Variants in SRPX observed in about 807,000 individuals in gnomAD.
SRPX encodes the protein sushi repeat containing protein X-linked.
A neutral mutation model predicts 38.1 loss-of-function variants in SRPX; 24 were observed. That is an observed-to-expected ratio of 0.63 (90% CI 0.46 to 0.89). SRPX has a LOEUF of 0.89. Among genes scored for constraint, SRPX ranks in the 40% least tolerant of loss-of-function variants. The pLI is 0.00. For synonymous variants in SRPX, 184 were observed against 153.8 expected, an observed-to-expected ratio of 1.20 and a Z score of -1.45; for missense variants, 416 against 377.8, an observed-to-expected ratio of 1.10 and a Z score of -0.84.
At chrX:38,172,680 G>T (rs1379076187) in intron 3 of SRPX, among the ~76,000 whole-genome samples, 2 of 112,423 alleles carry the variant, frequency 1.8e-5, no homozygotes, top group African/African-American at 6.5e-5. Flanking sequence ...GAACAGGGAA[G>T]GGGAGAAATC....
At chrX:38,220,214 A>G (rs1004126175) in intron 1 of SRPX, among the ~76,000 whole-genome samples, 2 of 113,688 alleles carry the variant, frequency 1.8e-5, no homozygotes, top group Admixed American at 9.2e-5. Context: ...GCCTTCCACA[A>G]AAGTCGCTTT....
At chrX:38,159,938 G>T in intron 7 of SRPX, 79 bp downstream of exon 7, 1 of 1,077,105 alleles carries the variant, frequency 9.3e-7, no homozygotes, top group Non-Finnish European at 1.2e-6. Context: ...AGTATATGAA[G>T]GGAAACCTCT....
intron 9 of SRPX, among the ~76,000 whole-genome samples, chrX:38,154,235 C>T (rs764005479): frequency 2.0e-3 from 227 of 111,406 alleles, no homozygotes; most frequent in African/African-American, 7.2e-3. Flanking sequence ...GAAGCAAAAA[C>T]GGTTGGTTGG....
chrX:38,164,742 T>C, intron 5 of SRPX, 27 bp downstream of exon 5: 13 of 1,206,142 alleles, frequency 1.1e-5, no homozygotes, highest in Non-Finnish European at 1.2e-5. Context: ...AGAGACAGCA[T>C]CATTTTATCT....
intron 4 of SRPX, among the ~76,000 whole-genome samples, chrX:38,168,585 A>ATCT (rs1938404543): frequency 8.9e-6 from 1 of 112,563 alleles, no homozygotes; most frequent in South Asian, 3.7e-4. Context: ...GTGCAGCAAC[A>ATCT]GATCACTGAT....
intron 1 of SRPX, among the ~76,000 whole-genome samples, chrX:38,217,041 A>G (rs948473169): frequency 8.9e-6 from 1 of 112,333 alleles, no homozygotes; most frequent in Non-Finnish European, 1.9e-5. Flanking sequence ...ACCTGTGCAC[A>G]TGTTTCCCTC....
intron 5 of SRPX, among the ~76,000 whole-genome samples, chrX:38,162,468 A>G (rs1938282059): frequency 8.9e-6 from 1 of 112,454 alleles, no homozygotes; most frequent in African/African-American, 3.2e-5. Flanking sequence ...CTCTGGAAGC[A>G]GACAGCTGCT....
intron 3 of SRPX, among the ~76,000 whole-genome samples, 186 bp from the exon 4 acceptor site, chrX:38,172,243 C>G (rs980063323): frequency 1.8e-5 from 2 of 111,772 alleles, no homozygotes; most frequent in African/African-American, 6.5e-5. Flanking sequence ...CACCTGACTT[C>G]GGGAGTTCGA....
intron 1 of SRPX, among the ~76,000 whole-genome samples, chrX:38,194,738 T>C (rs973183890): frequency 9.0e-6 from 1 of 111,332 alleles, no homozygotes. Context: ...GAGCAACTCT[T>C]AAGAATCTAA....
At chrX:38,167,851 C>T (rs935307474) in intron 4 of SRPX, among the ~76,000 whole-genome samples, 3 of 111,810 alleles carry the variant, frequency 2.7e-5, no homozygotes, top group African/African-American at 9.8e-5. Flanking sequence ...GCCTTGACTT[C>T]CCAGACTCAT....
intron 1 of SRPX, among the ~76,000 whole-genome samples, chrX:38,208,583 A>C (rs771674065): frequency 6.7e-4 from 75 of 112,332 alleles, no homozygotes; most frequent in Middle Eastern, 4.6e-3. Flanking sequence ...TGGCAATTTC[A>C]GAAAAAGAGA....
intron 1 of SRPX, among the ~76,000 whole-genome samples, chrX:38,210,812 T>A (rs754058112): frequency 1.8e-4 from 20 of 111,671 alleles, no homozygotes; most frequent in African/African-American, 5.5e-4. Context: ...CCAAGATGAG[T>A]CCTGAGCTGA....
At chrX:38,213,328 A>T (rs1601875266) in intron 1 of SRPX, among the ~76,000 whole-genome samples, 1 of 112,198 alleles carries the variant, frequency 8.9e-6, no homozygotes, top group Non-Finnish European at 1.9e-5. Context: ...ATTGAATTGT[A>T]CAGTTTAAAT....
chrX:38,178,218 AC>A, intron 2 of SRPX, 66 bp downstream of exon 2: 1 of 912,762 alleles, frequency 1.1e-6, no homozygotes, highest in Non-Finnish European at 1.6e-6. Context: ...AATCTGTTTC[AC>A]AAGGCAAAAA....
intron 8 of SRPX, among the ~76,000 whole-genome samples, chrX:38,155,986 T>A (rs1602436874): frequency 1.8e-5 from 2 of 112,410 alleles, no homozygotes; most frequent in South Asian, 7.5e-4. Flanking sequence ...AAGAGACTTA[T>A]TATTATCCAT....
At position 38,154,575 on chromosome X, in the gene SRPX, C is replaced by T; in HGVS notation, c.1098G>A (p.Gln366=). ...RLQLGMLQQA[Q]CGLDLRHITV... ...TGATGTGTCGAAGATCAAGGCCACACTGTGCTTGCTGGGAAAAAGAAAACC... is the reference window on the plus strand; with the variant it reads ...TGATGTGTCGAAGATCAAGGCCACATTGTGCTTGCTGGGAAAAAGAAAACC... Residue 366 remains glutamine (Q), a synonymous_variant, in exon 9 of 10, where the codon CAG becomes CAA. Coordinates refer to ENST00000378533, the MANE Select transcript of SRPX (RefSeq NM_006307.5). The T allele has an allele frequency of 8.3e-7, 1 of 1,207,558 alleles. No homozygotes were observed.
At chrX:38,219,305 C>T (rs757916850) in intron 1 of SRPX, among the ~76,000 whole-genome samples, 3 of 110,580 alleles carry the variant, frequency 2.7e-5, no homozygotes, top group Admixed American at 9.5e-5. Flanking sequence ...CAACTCAGTG[C>T]GGAAAAGCTA....
intron 1 of SRPX, among the ~76,000 whole-genome samples, chrX:38,188,806 A>T (rs1938837732): frequency 8.9e-6 from 1 of 111,978 alleles, no homozygotes; most frequent in Non-Finnish European, 1.9e-5. Context: ...TTTGTACAAT[A>T]AATAATATAT....
chrX:38,171,814 C>T, intron 4 of SRPX, 67 bp downstream of exon 4: 1 of 1,110,494 alleles, frequency 9.0e-7, no homozygotes, highest in Non-Finnish European at 1.2e-6. Context: ...CCTTTACAAT[C>T]CACGATGTGA....
Sources: allele counts gnomAD v4.1 joint callset (sites outside exome capture counted in the v4.1 genomes callset), GRCh38; gene constraint gnomAD v4.1.1; transcripts MANE v1.5; gene names NCBI Gene and HGNC (gene_info 2026-07-23, HGNC 2026-07-21).